RBPMS: variants seen among roughly 807,000 people sequenced by gnomAD.
RBPMS encodes RNA-binding protein with multiple splicing.
In RBPMS, 7 loss-of-function variants were observed where a neutral mutation model predicts 26.8. The ratio of observed to expected loss-of-function variants is 0.26; its 90% CI spans 0.15 to 0.49. The LOEUF is 0.49. Ranked by LOEUF, RBPMS falls within the 20% of genes least tolerant of loss-of-function variation. The pLI is 0.98. For missense variants in RBPMS, 186 were observed against 250.0 expected (o/e 0.74, Z 1.73); for synonymous variants, 96 against 93.3 (o/e 1.03, Z -0.17).
At chr8:30,513,245 C>T (rs1026578481) in intron 5 of RBPMS, among the ~76,000 whole-genome samples, 6 of 151,986 alleles carry the variant, frequency 3.9e-5, no homozygotes, top group Non-Finnish European at 1.5e-5. Flanking sequence ...AGCCACAGCA[C>T]CCAGCTGAAT....
rs59115592 is a variant in RBPMS, at chr8:30,473,532, A to G, written c.67-1247A>G. On this transcript the variant is annotated intron_variant, in intron 1 of 8. Transcript: ENST00000397323. ...TTAAACACAGTGGGTGGAAGACAGT[A>G]TGGCGATTCCTCAAAGATCTAGAAG... is the stretch of plus-strand genomic sequence containing the variant. 4.2e-3 allele frequency among the ~76,000 whole-genome samples: 641 copies of G among 152,294 alleles called. 3 individuals carry two copies. Among genetic ancestry groups the G allele is most frequent in the African/African-American group, 0.014 (598 of 41,556 alleles).
rs192964953 is a variant in RBPMS, at chr8:30,548,873, T to G, written c.528+4249T>G. On this transcript the variant is annotated intron_variant, in intron 6 of 8. Transcript: ENST00000397323. ...ATTAAGCATCTGCATCACTATGCCC[T>G]GTAGGAAATAACTGAGAAAAAAGAC... is the stretch of plus-strand genomic sequence containing the variant. Among the ~76,000 whole-genome samples the G allele has an allele frequency of 1.3e-3, 201 of 152,354 alleles. 3 individuals are homozygous for G. The highest frequency in any genetic ancestry group is 0.012 in the South Asian group (59 of 4,830).
chr8:30,513,652 T>C (rs577598154), intron 5 of RBPMS, among the ~76,000 whole-genome samples: 1 of 151,206 alleles, frequency 6.6e-6, no homozygotes, highest in East Asian at 1.9e-4. Flanking sequence ...CACATATTTC[T>C]ATTGTAATGC....
intron 1 of RBPMS, among the ~76,000 whole-genome samples, chr8:30,438,903 A>T (rs1812769965): frequency 1.3e-5 from 2 of 152,098 alleles, no homozygotes; most frequent in African/African-American, 4.8e-5. Context: ...CCTCCTTAGT[A>T]GCTGGGCCTA....
At chr8:30,490,051 A>T (rs975346055) in intron 4 of RBPMS, among the ~76,000 whole-genome samples, 10 of 144,930 alleles carry the variant, frequency 6.9e-5, no homozygotes, top group Non-Finnish European at 3.1e-5. Flanking sequence ...TGATTTTGTG[A>T]TCCTCCCGCC....
In RBPMS at chr8:30,421,220, C is replaced by T. The variant is rs1160523449; in HGVS notation, c.66+36062C>T. ...ATGAGCTGGTCAGCTGCAGAACCTT[C>T]TGGTTAGCAAACCTGATAGCATCTA... On this transcript the variant is annotated intron_variant, in intron 1 of 8. Transcript: ENST00000397323. Among the ~76,000 whole-genome samples the T allele has an allele frequency of 2.0e-5, 3 of 152,082 alleles. No homozygotes were observed. The East Asian group carries it at 5.8e-4, about 29-fold the overall frequency.
intron 7 of RBPMS, among the ~76,000 whole-genome samples, chr8:30,563,807 G>A (rs1026795553): frequency 6.6e-6 from 1 of 152,082 alleles, no homozygotes; most frequent in Non-Finnish European, 1.5e-5. Flanking sequence ...AGACAGCTGC[G>A]GTGGCTCCTG....
intron 4 of RBPMS, among the ~76,000 whole-genome samples, chr8:30,489,299 G>C (rs1819123965): frequency 6.6e-6 from 1 of 151,998 alleles, no homozygotes; most frequent in African/African-American, 2.4e-5. Flanking sequence ...TCTCACCTCA[G>C]CTTTGCAGAG....
intron 1 of RBPMS, among the ~76,000 whole-genome samples, chr8:30,471,480 C>A (rs1817100387): frequency 6.6e-6 from 1 of 151,988 alleles, no homozygotes; most frequent in Non-Finnish European, 1.5e-5. Flanking sequence ...TAAGATGCAC[C>A]ACTAGATAAA....
chr8:30,493,168 A>G lies in RBPMS; in HGVS notation c.247-11118A>G, dbSNP rs143917792. Among the ~76,000 whole-genome samples, 5 of 152,314 alleles carry G rather than the reference A, an allele frequency of 3.3e-5. No individual in the cohort carries two copies. The East Asian group carries it at 9.6e-4, about 29-fold the overall frequency. ...TGTCTTGGGCCAACATTAAGCCAAT[A>G]TGGACCATTAAAAATTTGTTTATAG... On this transcript the variant is annotated intron_variant, in intron 4 of 8. Transcript: ENST00000397323.
At chr8:30,465,458 A>G (rs1239190088) in intron 1 of RBPMS, among the ~76,000 whole-genome samples, 1 of 152,242 alleles carries the variant, frequency 6.6e-6, no homozygotes, top group Non-Finnish European at 1.5e-5. Flanking sequence ...TATGGCAGAC[A>G]TGAGGAATGG....
At chr8:30,443,316 A>T (rs56063469) in intron 1 of RBPMS, among the ~76,000 whole-genome samples, 1,841 of 151,666 alleles carry the variant, frequency 0.012, 21 homozygotes, top group Non-Finnish European at 0.02. Flanking sequence ...AATTATGGCT[A>T]AAAAAAAATT....
At position 30,448,926 on chromosome 8, in the gene RBPMS, A is replaced by T. The variant is rs551275527; in HGVS notation, c.67-25853A>T. 4.6e-5 allele frequency among the ~76,000 whole-genome samples: 7 copies of T among 152,214 alleles called. No individual in the cohort carries two copies. The East Asian group carries it at 9.6e-4, about 21-fold the overall frequency. On this transcript the variant is annotated intron_variant, in intron 1 of 8. Transcript: ENST00000397323. ...TACGAGACCATACCCATGGGGGGGA[A>T]CTTTGCTGTCTTTCGTTTAACTGCT...
In RBPMS at chr8:30,566,315, T is replaced by C. The variant is rs1238917259; in HGVS notation, c.*66T>C. ...TTGTGGGTATTAATGCAATCTTCAG[T>C]GGTGGCTACTGTTCTCTAGCTGTTC... is the stretch of plus-strand genomic sequence containing the variant. On this transcript the variant is annotated 3_prime_UTR_variant, in exon 8 of 9. Transcript: ENST00000397323. The C allele has an allele frequency of 6.1e-6, 6 of 985,154 alleles. No individual in the cohort carries two copies. The highest frequency in any genetic ancestry group is 7.2e-6 in the Non-Finnish European group (6 of 829,408). 61.0% of individuals were successfully genotyped at this position (985,154 alleles called of 1,614,324 possible). A position where few individuals can be genotyped will look rare whatever the true frequency, so the allele number is the denominator to read the frequency against.
intron 1 of RBPMS, among the ~76,000 whole-genome samples, chr8:30,474,035 T>A (rs1817425576): frequency 6.6e-6 from 1 of 152,152 alleles, no homozygotes; most frequent in East Asian, 1.9e-4. Flanking sequence ...CACCATGGTA[T>A]GTGTTTACCT....
At chr8:30,525,287 T>C (rs1002522258) in intron 5 of RBPMS, among the ~76,000 whole-genome samples, 1 of 152,206 alleles carries the variant, frequency 6.6e-6, no homozygotes, top group African/African-American at 2.4e-5. Context: ...AAAAGAGATA[T>C]GCAAACAGGA....
intron 1 of RBPMS, among the ~76,000 whole-genome samples, chr8:30,453,278 T>C (rs1379418471): frequency 2.0e-5 from 3 of 152,206 alleles, no homozygotes; most frequent in Admixed American, 6.5e-5. Flanking sequence ...TAGTTCGAAA[T>C]GCAGAATCTC....
chr8:30,504,913 A>G (rs1005172719), intron 5 of RBPMS, among the ~76,000 whole-genome samples: 1 of 152,240 alleles, frequency 6.6e-6, no homozygotes, highest in Non-Finnish European at 1.5e-5. Context: ...GGGAAAAGTA[A>G]ACACATACAA....
intron 5 of RBPMS, among the ~76,000 whole-genome samples, chr8:30,511,539 GTGTGTGTGTGTA>G: frequency 7.8e-6 from 1 of 127,994 alleles, no homozygotes; most frequent in Admixed American, 8.8e-5. Context: ...CTGTGTGTGT[GTGTGTGTGTGTA>G]TGTATAGATA....
Sources: allele counts gnomAD v4.1 joint callset (sites outside exome capture counted in the v4.1 genomes callset), GRCh38; gene constraint gnomAD v4.1.1; transcripts MANE v1.5; gene names NCBI Gene and HGNC (gene_info 2026-07-23, HGNC 2026-07-21).